ANKDD1A: variants seen among roughly 807,000 people sequenced by gnomAD.
ANKDD1A encodes the protein ankyrin repeat and death domain containing 1A, also known as ankyrin repeat and death domain-containing protein 1A.
In ANKDD1A, 59 loss-of-function variants were observed where a neutral mutation model predicts 63.5. The ratio of observed to expected loss-of-function variants is 0.93; its 90% CI spans 0.75 to 1.15. ANKDD1A has a LOEUF of 1.15. ANKDD1A is among the 50% of genes most tolerant of loss of function. The probability of loss-of-function intolerance (pLI) is 0.00; values close to 1 mark genes in which losing one functional copy is unlikely to be tolerated. For missense variants in ANKDD1A, 632 were observed against 656.4 expected, an observed-to-expected ratio of 0.96 and a Z score of 0.41; for synonymous variants, 266 against 263.9, an observed-to-expected ratio of 1.01 and a Z score of -0.08.
chr15:64,940,458 A>C (rs768796469), intron 9 of ANKDD1A, among the ~76,000 whole-genome samples: 1 of 151,694 alleles, frequency 6.6e-6, no homozygotes, highest in Non-Finnish European at 1.5e-5. Context: ...TTTGAGACAG[A>C]GTCTTGCTCT....
chr15:64,915,665 G>T, intron 1 of ANKDD1A, 132 bp from the exon 2 acceptor site: 2 of 693,662 alleles, frequency 2.9e-6, no homozygotes, highest in Non-Finnish European at 5.0e-6. Context: ...GGGCTGTGCC[G>T]CTCTGCCCCT....
At chr15:64,916,767 G>C (rs2084970922) in intron 2 of ANKDD1A, among the ~76,000 whole-genome samples, 1 of 152,226 alleles carries the variant, frequency 6.6e-6, no homozygotes, top group South Asian at 2.1e-4. Flanking sequence ...GAGAAAACTA[G>C]TGCTTCCTTT....
intron 14 of ANKDD1A, among the ~76,000 whole-genome samples, chr15:64,956,366 A>G (rs777673566): frequency 1.9e-4 from 29 of 151,980 alleles, no homozygotes; most frequent in East Asian, 5.9e-4. Context: ...TGGCTAACAC[A>G]GTGAAACCCT....
intron 4 of ANKDD1A, among the ~76,000 whole-genome samples, chr15:64,925,655 A>G (rs1343097428): frequency 6.6e-6 from 1 of 152,140 alleles, no homozygotes; most frequent in Non-Finnish European, 1.5e-5. Flanking sequence ...GGAGGCTACT[A>G]GTGCTACACG....
chr15:64,953,781 C>CT (rs565903387), intron 14 of ANKDD1A, among the ~76,000 whole-genome samples: 100 of 140,334 alleles, frequency 7.1e-4, no homozygotes, highest in Middle Eastern at 3.7e-3. Flanking sequence ...TCCCTCTTTT[C>CT]TTTCTTCTGC....
rs144050562 is a variant in ANKDD1A at position 64,926,162 on chromosome 15, G to A, written c.463G>A (p.Val155Ile). 44 of 1,613,780 alleles carry A rather than the reference G, an allele frequency of 2.7e-5. No individual in the cohort carries two copies. The highest frequency in any genetic ancestry group is 8.3e-5 in the Admixed American group (5 of 60,006). ...CCTGGAGGATGTGGCCCTGGACCACGTAGACAAGGTGAGAGTGCCTCAGGG... is the reference window on the plus strand; with the variant it reads ...CCTGGAGGATGTGGCCCTGGACCACATAGACAAGGTGAGAGTGCCTCAGGG... ...EDLEDVALDH[V>I]DKLGRTAFHR... is the part of the protein sequence containing the mutation. Residue 155 changes from valine (V) to isoleucine (I), a missense_variant, in exon 5 of 15, where the codon GTA (valine) becomes ATA (isoleucine). Coordinates refer to ENST00000319580, the MANE Select transcript of ANKDD1A (RefSeq NM_182703.6).
At chr15:64,950,727 C>CCGGGGGGGGG in intron 14 of ANKDD1A, 1 of 425,076 alleles carries the variant, frequency 2.4e-6, no homozygotes, top group Non-Finnish European at 2.6e-6. Context: ...AAAGAAAGGA[C>CCGGGGGGGGG]CGCCCCCCCC....
intron 13 of ANKDD1A, among the ~76,000 whole-genome samples, chr15:64,948,416 A>G (rs571506010): frequency 6.6e-6 from 1 of 152,320 alleles, no homozygotes; most frequent in East Asian, 1.9e-4. Flanking sequence ...GTATTCTACA[A>G]TTTGTCTGGA....
At chr15:64,922,663 A>T (rs1046674442) in intron 4 of ANKDD1A, among the ~76,000 whole-genome samples, 3 of 152,142 alleles carry the variant, frequency 2.0e-5, no homozygotes, top group Non-Finnish European at 4.4e-5. Context: ...TTCTTTTGAG[A>T]TGGAGTCTTG....
intron 9 of ANKDD1A, among the ~76,000 whole-genome samples, chr15:64,940,756 A>C (rs1346619840): frequency 6.8e-6 from 1 of 147,556 alleles, no homozygotes; most frequent in Non-Finnish European, 1.5e-5. Context: ...CAGATTTTTT[A>C]GAGACAAGGT....
intron 11 of ANKDD1A, among the ~76,000 whole-genome samples, chr15:64,943,992 C>G (rs1278932414): frequency 6.6e-6 from 1 of 152,192 alleles, no homozygotes. Context: ...TGCTAGTGGT[C>G]TCAGAAGAGC....
chr15:64,939,332 C>A (rs922960520), intron 9 of ANKDD1A, among the ~76,000 whole-genome samples: 3 of 152,100 alleles, frequency 2.0e-5, no homozygotes, highest in Non-Finnish European at 4.4e-5. Flanking sequence ...TTATTAAAAA[C>A]TGCAGAATAG....
At chr15:64,953,615 C>CCTCTTCTTCTCCTTCTTCTTAGTTCTTAG (rs1206540695) in intron 14 of ANKDD1A, among the ~76,000 whole-genome samples, 8 of 109,008 alleles carry the variant, frequency 7.3e-5, no homozygotes, top group Non-Finnish European at 1.4e-4. Context: ...TTCTTCTCTC[C>CCTCTTCTTCTCCTTCTTCTTAGTTCTTAG]TTCTTCTTCT....
At chr15:64,945,018 C>T (rs529299652) in intron 12 of ANKDD1A, among the ~76,000 whole-genome samples, 15 of 152,302 alleles carry the variant, frequency 9.8e-5, no homozygotes, top group African/African-American at 2.2e-4. Flanking sequence ...TGAATGCATG[C>T]GTGCATGAAT....
At chr15:64,942,958 C>A (rs971426909) in intron 10 of ANKDD1A, among the ~76,000 whole-genome samples, 1 of 152,198 alleles carries the variant, frequency 6.6e-6, no homozygotes, top group African/African-American at 2.4e-5. Context: ...CCTGTCCCCA[C>A]AATCTACCCA....
At chr15:64,935,907 A>G (rs2085128073) in intron 9 of ANKDD1A, among the ~76,000 whole-genome samples, 1 of 152,190 alleles carries the variant, frequency 6.6e-6, no homozygotes, top group South Asian at 2.1e-4. Flanking sequence ...CAAGTTGACA[A>G]TAACTATCAA....
At chr15:64,942,368 A>T in intron 9 of ANKDD1A, 99 bp from the exon 10 acceptor site, 1 of 857,170 alleles carries the variant, frequency 1.2e-6, no homozygotes, top group Non-Finnish European at 1.7e-6. Flanking sequence ...CCAAACCCAG[A>T]AGCACTATAC....
At chr15:64,923,050 C>T (rs932691365) in intron 4 of ANKDD1A, among the ~76,000 whole-genome samples, 6 of 152,134 alleles carry the variant, frequency 3.9e-5, no homozygotes, top group African/African-American at 1.2e-4. Flanking sequence ...GTAATATTTT[C>T]ATAACTTAAT....
At chr15:64,944,990 G>C in intron 12 of ANKDD1A, among the ~76,000 whole-genome samples, 1 of 152,248 alleles carries the variant, frequency 6.6e-6, no homozygotes, top group South Asian at 2.1e-4. Flanking sequence ...GCTGGACACT[G>C]CTGTAGCTTC....
Sources: gnomAD v4.1 joint callset for allele counts (sites outside exome capture counted in the v4.1 genomes callset) on GRCh38, gnomAD v4.1.1 for gene constraint, MANE v1.5 for transcripts, NCBI Gene and HGNC (gene_info 2026-07-23, HGNC 2026-07-21) for gene names.